Variants in ELP4 observed in about 807,000 individuals in gnomAD.
The protein encoded by ELP4 is elongator acetyltransferase complex subunit 4, also known as elongator complex protein 4.
In ELP4, 51 loss-of-function variants were observed where a neutral mutation model predicts 48.9. The observed-to-expected ratio is 1.04, with a 90% CI of 0.83 to 1.32. ELP4 has a LOEUF of 1.32. Ranked by LOEUF, ELP4 falls within the 40% of genes most tolerant of loss-of-function variation. The probability of loss-of-function intolerance (pLI) is 0.00; values close to 1 mark genes in which losing one functional copy is unlikely to be tolerated. For missense variants in ELP4, 519 were observed against 514.6 expected, an observed-to-expected ratio of 1.01 and a Z score of -0.08; for synonymous variants, 210 against 189.2, an observed-to-expected ratio of 1.11 and a Z score of -0.90.
In ELP4 at chr11:31,702,165, G is replaced by A. The variant is rs192381186; in HGVS notation, c.1143+51944G>A. ...AAACAAGTAATTAGACTTGAGCCAGGCATGGTGCCACACACCTGACCCAGC... is the reference window on the plus strand; with the variant it reads ...AAACAAGTAATTAGACTTGAGCCAGACATGGTGCCACACACCTGACCCAGC... On this transcript the variant is annotated intron_variant, in intron 9 of 9. Coordinates refer to ENST00000640961, the MANE Select transcript of ELP4 (RefSeq NM_019040.5). Among the ~76,000 whole-genome samples the A allele has an allele frequency of 4.6e-5, 7 of 152,076 alleles. No individual in the cohort carries two copies. The East Asian group carries it at 1.4e-3, about 29-fold the overall frequency.
At chr11:31,708,386 AT>A in intron 9 of ELP4, among the ~76,000 whole-genome samples, 1 of 152,248 alleles carries the variant, frequency 6.6e-6, no homozygotes, top group South Asian at 2.1e-4. Flanking sequence ...CCAAGACATA[AT>A]TTTTAAAGCC....
chr11:31,624,450 G>A (rs1260584158), intron 5 of ELP4, among the ~76,000 whole-genome samples: 1 of 151,456 alleles, frequency 6.6e-6, no homozygotes, highest in Non-Finnish European at 1.5e-5. Context: ...GATAAAAAGG[G>A]GTACACCTGT....
chr11:31,737,123 A>T (rs1387437803), intron 9 of ELP4, among the ~76,000 whole-genome samples: 1 of 152,246 alleles, frequency 6.6e-6, no homozygotes, highest in Non-Finnish European at 1.5e-5. Flanking sequence ...TACATCATGG[A>T]ATACTATGCA....
At chr11:31,513,830 A>G (rs1298772777) in intron 1 of ELP4, among the ~76,000 whole-genome samples, 2 of 152,178 alleles carry the variant, frequency 1.3e-5, no homozygotes, top group African/African-American at 4.8e-5. Context: ...AGATACTGGC[A>G]TTTGCAAGAT....
chr11:31,673,656 T>C (rs1464095970), intron 9 of ELP4, among the ~76,000 whole-genome samples: 1 of 152,162 alleles, frequency 6.6e-6, no homozygotes, highest in Non-Finnish European at 1.5e-5. Flanking sequence ...GAGATCTCAG[T>C]TGCCACAATT....
At chr11:31,727,160 T>TC (rs1365017117) in intron 9 of ELP4, among the ~76,000 whole-genome samples, 1 of 151,972 alleles carries the variant, frequency 6.6e-6, no homozygotes, top group Non-Finnish European at 1.5e-5. Context: ...TTACAGTTTT[T>TC]TTTTTTTAAC....
intron 9 of ELP4, among the ~76,000 whole-genome samples, chr11:31,710,382 T>C (rs1034195154): frequency 6.6e-6 from 1 of 152,136 alleles, no homozygotes; most frequent in Non-Finnish European, 1.5e-5. Context: ...CCCAACACTT[T>C]GGGAGGCCAA....
intron 9 of ELP4, among the ~76,000 whole-genome samples, chr11:31,668,138 T>G (rs887878403): frequency 2.6e-5 from 4 of 152,230 alleles, no homozygotes; most frequent in African/African-American, 9.6e-5. Context: ...CAGAATTTGT[T>G]TTAAACTTAG....
At chr11:31,684,517 A>G (rs531883690) in intron 9 of ELP4, among the ~76,000 whole-genome samples, 18 of 152,240 alleles carry the variant, frequency 1.2e-4, no homozygotes, top group African/African-American at 4.3e-4. Context: ...CCAAAAAATA[A>G]TATTTATACA....
intron 3 of ELP4, among the ~76,000 whole-genome samples, chr11:31,569,297 T>G (rs1957159168): frequency 6.6e-6 from 1 of 152,054 alleles, no homozygotes; most frequent in African/African-American, 2.4e-5. Context: ...AAAGTGTCAA[T>G]GGGATAAACT....
At chr11:31,739,072 G>C (rs1327490736) in intron 9 of ELP4, among the ~76,000 whole-genome samples, 1 of 150,898 alleles carries the variant, frequency 6.6e-6, no homozygotes, top group African/African-American at 2.4e-5. Flanking sequence ...CTCATGTTAT[G>C]TGTTTTTTAC....
At chr11:31,561,474 C>T (rs1338649849) in intron 3 of ELP4, among the ~76,000 whole-genome samples, 1 of 151,996 alleles carries the variant, frequency 6.6e-6, no homozygotes, top group African/African-American at 2.4e-5. Flanking sequence ...TGGAGTATCG[C>T]TCTGTTGCCC....
intron 9 of ELP4, among the ~76,000 whole-genome samples, chr11:31,713,744 G>A (rs1946786648): frequency 2.6e-5 from 4 of 152,068 alleles, no homozygotes; most frequent in Admixed American, 1.3e-4. Context: ...ACCCAAGTTA[G>A]TTGTATTTAT....
chr11:31,726,497 A>G lies in ELP4; in HGVS notation c.1144-56896A>G, dbSNP rs140129246. On this transcript the variant is annotated intron_variant, in intron 9 of 9. Transcript: ENST00000640961. ...ATCTTACAGGAGAGGATATGCCAGC[A>G]TGTTCCAAATGCCTGCTGTGTAACG... Among the ~76,000 whole-genome samples, 34 of 152,338 alleles carry G rather than the reference A, an allele frequency of 2.2e-4. No homozygotes were observed. The East Asian group carries it at 5.0e-3, about 22-fold the overall frequency.
intron 3 of ELP4, among the ~76,000 whole-genome samples, chr11:31,570,466 CT>C (rs35501118): frequency 0.3 from 38,606 of 127,782 alleles, 5,995 homozygotes; most frequent in African/African-American, 0.51. Flanking sequence ...TGTAATATAC[CT>C]TTTTTTTTTT....
At chr11:31,588,266 G>C (rs1319968517) in intron 3 of ELP4, among the ~76,000 whole-genome samples, 1 of 152,070 alleles carries the variant, frequency 6.6e-6, no homozygotes, top group African/African-American at 2.4e-5. Flanking sequence ...GCTCAATGAT[G>C]ATTCTTTACT....
At chr11:31,732,042 C>T (rs1308718324) in intron 9 of ELP4, among the ~76,000 whole-genome samples, 1 of 152,060 alleles carries the variant, frequency 6.6e-6, no homozygotes, top group Non-Finnish European at 1.5e-5. Flanking sequence ...ACCTGCCATC[C>T]AAGAAAGGCT....
At chr11:31,638,596 T>A (rs187446239) in intron 7 of ELP4, among the ~76,000 whole-genome samples, 15 of 151,928 alleles carry the variant, frequency 9.9e-5, no homozygotes, top group African/African-American at 3.6e-4. Flanking sequence ...GAAAAATGAA[T>A]GAGATTTTAT....
chr11:31,729,274 C>G (rs1280597054), intron 9 of ELP4, among the ~76,000 whole-genome samples: 1 of 152,124 alleles, frequency 6.6e-6, no homozygotes, highest in Non-Finnish European at 1.5e-5. Context: ...ACAATCAGTA[C>G]CAAAGCTCTA....
Sources: allele counts gnomAD v4.1 joint callset (sites outside exome capture counted in the v4.1 genomes callset), GRCh38; gene constraint gnomAD v4.1.1; transcripts MANE v1.5; gene names NCBI Gene and HGNC (gene_info 2026-07-23, HGNC 2026-07-21).